Variants in FAT4 observed in about 807,000 individuals in gnomAD.
FAT4 encodes protocadherin Fat 4.
Under a neutral mutation model 303.9 loss-of-function variants are expected in FAT4, and 84 were observed. The ratio of observed to expected loss-of-function variants is 0.28; its 90% CI spans 0.23 to 0.33. FAT4 has a LOEUF of 0.33. Among genes scored for constraint, FAT4 ranks in the 10% least tolerant of loss-of-function variants. The pLI, the probability that FAT4 is intolerant of heterozygous loss-of-function variation, is 1.00. For missense variants in FAT4, 6,005 were observed against 6,146.8 expected (o/e 0.98, Z 0.77); for synonymous variants, 2,307 against 2,298.8 (o/e 1.00, Z -0.10).
At chr4:125,465,223 C>T (rs1438045889) in intron 11 of FAT4, among the ~76,000 whole-genome samples, 1 of 152,150 alleles carries the variant, frequency 6.6e-6, no homozygotes, top group African/African-American at 2.4e-5. Flanking sequence ...GTATGACATT[C>T]ACAGAACCCC....
chr4:125,404,552 G>A (rs890456812), intron 3 of FAT4, among the ~76,000 whole-genome samples: 6 of 152,010 alleles, frequency 3.9e-5, no homozygotes, highest in Admixed American at 1.3e-4. Context: ...CATTTGATAC[G>A]CTTTTATTTT....
chr4:125,325,038 T>C (rs1449116427), intron 2 of FAT4, among the ~76,000 whole-genome samples: 2 of 152,172 alleles, frequency 1.3e-5, no homozygotes, highest in Non-Finnish European at 1.5e-5. Context: ...ATATGTTGTG[T>C]TTTTGGCTAA....
intron 11 of FAT4, among the ~76,000 whole-genome samples, chr4:125,464,730 A>G (rs1726602268): frequency 6.6e-6 from 1 of 151,706 alleles, no homozygotes; most frequent in African/African-American, 2.4e-5. Context: ...AAGTGTTCTC[A>G]TTGTTCAATT....
chr4:125,374,615 G>C (rs1221553512), intron 2 of FAT4, among the ~76,000 whole-genome samples: 1 of 152,178 alleles, frequency 6.6e-6, no homozygotes, highest in Non-Finnish European at 1.5e-5. Context: ...AGGGTACAAT[G>C]TAGTTGTCCC....
intron 10 of FAT4, among the ~76,000 whole-genome samples, chr4:125,460,280 C>T (rs1027314568): frequency 6.6e-6 from 1 of 151,942 alleles, no homozygotes; most frequent in Admixed American, 6.6e-5. Context: ...GCCATTTTAT[C>T]TATTTTTTTA....
Position 125,490,587 on chromosome 4 carries a change from C to T in FAT4, c.13771C>T (p.Pro4591Ser). Reference sequence around the variant, plus strand: ...ACCAGATATCATTGAAAGGGAAAACCCCTACCTTATCTATGATGAAACTGA... The same window carrying T: ...ACCAGATATCATTGAAAGGGAAAACTCCTACCTTATCTATGATGAAACTGA... ...PKPDIIEREN[P>S]YLIYDETDIP... is the part of the protein sequence containing the mutation. The change falls in exon 18 of 18, where the codon CCC becomes TCC. Residue 4591 changes from proline to serine, a missense_variant. Physicochemically the swap from Pro to Ser is moderately conservative, Grantham distance 74. Transcript: ENST00000394329. 1 of 1,614,118 alleles carries T rather than the reference C, an allele frequency of 6.2e-7. No individual in the cohort carries two copies. Among genetic ancestry groups the T allele is most frequent in the Non-Finnish European group, 8.5e-7 (1 of 1,180,028 alleles).
At chr4:125,398,704 T>C (rs1307335282) in intron 2 of FAT4, 80 bp from the exon 3 acceptor site, 1 of 1,421,432 alleles carries the variant, frequency 7.0e-7, no homozygotes. Context: ...CTTGATTGCG[T>C]GGATTCCTGG....
At chr4:125,345,825 G>T (rs1341718150) in intron 2 of FAT4, among the ~76,000 whole-genome samples, 5 of 151,962 alleles carry the variant, frequency 3.3e-5, no homozygotes, top group African/African-American at 1.2e-4. Context: ...TGTTAACCAG[G>T]TAGATTTTTC....
chr4:125,489,900 G>A lies in FAT4; in HGVS notation c.13085-1G>A. The A allele has an allele frequency of 1.9e-6, 2 of 1,044,094 alleles. No homozygotes were observed. Among genetic ancestry groups the A allele is most frequent in the Non-Finnish European group, 2.5e-6 (2 of 788,284 alleles). The allele number at this position is 1,044,094 out of a possible 1,614,324, so 64.7% of individuals were successfully genotyped here. A position where few individuals can be genotyped will look rare whatever the true frequency, so the allele number is the denominator to read the frequency against. ...AGCCTTACTCCTTCTTCTTCTCCCA[G>A]CAGGTTTTGATGGCTGCATTGCTTC... On this transcript the variant is annotated splice_acceptor_variant, in intron 17 of 17. Coordinates refer to ENST00000394329, the MANE Select transcript of FAT4 (RefSeq NM_001291303.3). LOFTEE classifies it high-confidence loss of function.
At chr4:125,352,676 T>C (rs1732271772) in intron 2 of FAT4, among the ~76,000 whole-genome samples, 1 of 151,802 alleles carries the variant, frequency 6.6e-6, no homozygotes, top group African/African-American at 2.4e-5. Flanking sequence ...AGAGACAAGT[T>C]CTTCAGATTG....
At position 125,415,614 on chromosome 4, in the gene FAT4, G is replaced by T; in HGVS notation, c.6651G>T (p.Leu2217Phe). Residue 2217 changes from leucine (L) to phenylalanine (F), a missense_variant, in exon 6 of 18, where the codon TTG becomes TTT. Coordinates refer to ENST00000394329, the MANE Select transcript of FAT4 (RefSeq NM_001291303.3). ...VTGAITVAKP[L>F]DREKTPTYHL... The stretch of plus-strand genomic sequence containing the variant: ...GTGCCATCACTGTCGCTAAACCTTT[G>T]GATAGAGAAAAGACCCCTACCTACC... The T allele has an allele frequency of 6.2e-7, 1 of 1,613,954 alleles. No homozygotes were observed. Among genetic ancestry groups the T allele is most frequent in the Non-Finnish European group, 8.5e-7 (1 of 1,179,946 alleles).
In FAT4 at chr4:125,468,785, A is replaced by G. The variant is rs750966021; in HGVS notation, c.12179A>G (p.His4060Arg). 2.5e-6 allele frequency: 4 copies of G among 1,612,794 alleles called. No homozygotes were observed. The highest frequency in any genetic ancestry group is 2.5e-6 in the Non-Finnish European group (3 of 1,179,014). ...LTTMKKVSDG[H>R]FHTVIARRAG... The stretch of plus-strand genomic sequence containing the variant: ...ACCATGAAGAAGGTGTCAGATGGAC[A>G]TTTTCACACTGTGATTGCCAGGAGA... Residue 4060 changes from histidine (H) to arginine (R), a missense_variant, in exon 12 of 18, where the codon CAT becomes CGT. Physicochemically the swap from His to Arg is conservative, Grantham distance 29 (BLOSUM62 0). Transcript: ENST00000394329.
intron 12 of FAT4, among the ~76,000 whole-genome samples, chr4:125,470,139 G>A (rs1475604819): frequency 2.0e-5 from 3 of 152,116 alleles, no homozygotes; most frequent in Admixed American, 6.5e-5. Flanking sequence ...ATTTTGAAAG[G>A]AATCTTTTTT....
intron 10 of FAT4, among the ~76,000 whole-genome samples, chr4:125,453,704 TAAA>T (rs61411789): frequency 0.1 from 14,588 of 144,838 alleles, 868 homozygotes; most frequent in African/African-American, 0.18. Context: ...GACTCTGTCT[TAAA>T]AAAAAAAAAA....
At chr4:125,463,330 T>G (rs1427403590) in intron 10 of FAT4, among the ~76,000 whole-genome samples, 1 of 152,032 alleles carries the variant, frequency 6.6e-6, no homozygotes, top group African/African-American at 2.4e-5. Context: ...TCTTCCAAGA[T>G]GATTATGTAA....
At chr4:125,377,396 C>A (rs1167380125) in intron 2 of FAT4, among the ~76,000 whole-genome samples, 1 of 151,986 alleles carries the variant, frequency 6.6e-6, no homozygotes, top group African/African-American at 2.4e-5. Flanking sequence ...CAGTTTCCAA[C>A]TCTGATTAGA....
Position 125,481,563 on chromosome 4 carries a change from G to A in FAT4, c.12647G>A (p.Arg4216His), listed in dbSNP as rs148170326. Reference protein sequence around the residue: ...DTALSLEGKGRLDYHMSQNEK... With the variant: ...DTALSLEGKGHLDYHMSQNEK... ...GCCTTATCATTAGAAGGCAAAGGGC[G>A]CTTGGACTACCACATGAGTCAGAAT... Residue 4216 changes from arginine to histidine, a missense_variant, in exon 16 of 18, where the codon CGC (arginine) becomes CAC (histidine). Arg to His is a conservative substitution (Grantham distance 29, BLOSUM62 0). Transcript: ENST00000394329. The A allele has an allele frequency of 7.1e-4, 1,152 of 1,613,908 alleles. 1 individual carries two copies. Among genetic ancestry groups the A allele is most frequent in the Non-Finnish European group, 9.2e-4 (1,086 of 1,179,952 alleles).
rs374142929 is a variant in FAT4 at position 125,408,566 on chromosome 4, T to C, written c.5692T>C (p.Phe1898Leu). 2 of 1,612,790 alleles carry C rather than the reference T, an allele frequency of 1.2e-6. No individual in the cohort carries two copies. The highest frequency in any genetic ancestry group is 3.3e-5 in the Admixed American group (2 of 59,956). The change falls in exon 5 of 18, where the codon TTT becomes CTT. Residue 1898 changes from phenylalanine to leucine, a missense_variant. Coordinates refer to ENST00000394329, the MANE Select transcript of FAT4 (RefSeq NM_001291303.3). ...TTTCCTGAATCCTATTACTGGGGTCTTTAATTTGACTCGATTATTAGATTA... is the reference window on the plus strand; with the variant it reads ...TTTCCTGAATCCTATTACTGGGGTCCTTAATTTGACTCGATTATTAGATTA... ...IFFLNPITGV[F>L]NLTRLLDYEV... is the part of the protein sequence containing the mutation.
rs1211687860 is a variant in FAT4, at chr4:125,316,927, C to T, written c.516C>T (p.Arg172=). The change falls in exon 2 of 18, where the codon CGC becomes CGT. Residue 172 remains arginine, a synonymous_variant. Coordinates refer to ENST00000394329, the MANE Select transcript of FAT4 (RefSeq NM_001291303.3). The surrounding 1 kb of genome is among the most constrained non-coding windows in gnomAD (Gnocchi z 5.7). ...TCGGCTCAAACGGTGTGGACCACCGCTCCTACCGCATCATCCGCGGCAATG... is the reference window on the plus strand; with the variant it reads ...TCGGCTCAAACGGTGTGGACCACCGTTCCTACCGCATCATCCGCGGCAATG... ...SDIGSNGVDH[R]SYRIIRGNEA... is the part of the protein sequence containing the mutation. 10 of 1,614,004 alleles carry T rather than the reference C, an allele frequency of 6.2e-6. No individual in the cohort carries two copies. The highest frequency in any genetic ancestry group is 8.5e-6 in the Non-Finnish European group (10 of 1,180,044).
Sources: allele counts gnomAD v4.1 joint callset (sites outside exome capture counted in the v4.1 genomes callset), GRCh38; gene constraint gnomAD v4.1.1; non-coding constraint Gnocchi (gnomAD v3.1); transcripts MANE v1.5; gene names NCBI Gene and HGNC (gene_info 2026-07-23, HGNC 2026-07-21).